SLC41A3: variants seen among roughly 807,000 people sequenced by gnomAD.
The protein encoded by SLC41A3 is SLC41A1-like 2.
Under a neutral mutation model 45.4 loss-of-function variants are expected in SLC41A3, and 44 were observed. The ratio of observed to expected loss-of-function variants is 0.97; its 90% CI spans 0.76 to 1.25. SLC41A3 has a LOEUF of 1.25. Among genes scored for constraint, SLC41A3 ranks in the 50% most tolerant of loss-of-function variants. SLC41A3 has a pLI of 0.00. For synonymous variants in SLC41A3, 256 were observed against 252.4 expected, an observed-to-expected ratio of 1.01 and a Z score of -0.13; for missense variants, 550 against 600.6, an observed-to-expected ratio of 0.92 and a Z score of 0.88.
intron 5 of SLC41A3, chr3:126,023,697 CTACCA>C (rs1941108052): frequency 6.6e-6 from 1 of 151,238 alleles, no homozygotes. Flanking sequence ...GTTTCCGTGG[CTACCA>C]TGCCTCCGAA....
At chr3:126,037,019 C>CTCATGTGG (rs1414936592) in intron 3 of SLC41A3, among the ~76,000 whole-genome samples, 1 of 152,172 alleles carries the variant, frequency 6.6e-6, no homozygotes, top group Non-Finnish European at 1.5e-5. Flanking sequence ...TCCTCCAAAT[C>CTCATGTGG]TCATGTGGAA....
At position 126,006,550 on chromosome 3, in the gene SLC41A3, C is replaced by A; in HGVS notation, c.*466G>T. The A allele has an allele frequency of 6.2e-7, 1 of 1,603,316 alleles. No individual in the cohort carries two copies. Among genetic ancestry groups the A allele is most frequent in the Non-Finnish European group, 8.5e-7 (1 of 1,177,620 alleles). ...CTTCTTGGCACAGCAGCAGTGTGGC[C>A]CACGGAGCTTGAACCTGGTGAAGAC... On this transcript the variant is annotated 3_prime_UTR_variant, in exon 11 of 11. Coordinates refer to ENST00000360370, the MANE Select transcript of SLC41A3 (RefSeq NM_017836.4).
chr3:126,094,577 G>A (rs1029204208), intron 1 of SLC41A3, among the ~76,000 whole-genome samples: 3 of 152,204 alleles, frequency 2.0e-5, no homozygotes, highest in Admixed American at 6.5e-5. Context: ...TTCTCCTGCT[G>A]TAATTCCAAA....
intron 6 of SLC41A3, among the ~76,000 whole-genome samples, chr3:126,017,300 A>G: frequency 6.6e-6 from 1 of 152,222 alleles, no homozygotes; most frequent in East Asian, 1.9e-4. Context: ...AGACGTGCAA[A>G]AAAGGGTGGC....
At chr3:126,028,124 G>T (rs71327748) in intron 4 of SLC41A3, among the ~76,000 whole-genome samples, 43,513 of 152,120 alleles carry the variant, frequency 0.29, 6,370 homozygotes, top group African/African-American at 0.33. Context: ...AGAAATTCAA[G>T]CAGGCTGCAG....
At chr3:126,080,157 C>T (rs1481468241) in intron 1 of SLC41A3, among the ~76,000 whole-genome samples, 5 of 152,124 alleles carry the variant, frequency 3.3e-5, no homozygotes, top group African/African-American at 1.2e-4. Context: ...TTGGTCTGGG[C>T]AGACTTTTTG....
chr3:126,091,967 C>T (rs770256813), intron 1 of SLC41A3, among the ~76,000 whole-genome samples: 2 of 152,168 alleles, frequency 1.3e-5, no homozygotes, highest in Non-Finnish European at 2.9e-5. Context: ...TCTCCTCCTT[C>T]CCCATCATGG....
chr3:126,059,243 G>GA (rs1168291747), intron 2 of SLC41A3, among the ~76,000 whole-genome samples: 1 of 1,696 alleles, frequency 5.9e-4, no homozygotes, highest in South Asian at 0.12. Flanking sequence ...GAGAAAGAAA[G>GA]AAAGAAAGAA....
intron 2 of SLC41A3, among the ~76,000 whole-genome samples, chr3:126,064,236 C>T (rs1415567461): frequency 1.3e-5 from 2 of 152,140 alleles, no homozygotes; most frequent in Non-Finnish European, 2.9e-5. Context: ...TGACTCTGCT[C>T]CTGTGGATGA....
rs1166591794 is a variant in SLC41A3, at chr3:126,022,940, G to A, written c.599-8C>T. The stretch of plus-strand genomic sequence containing the variant: ...TACAGACCATCAGCACCCCTGCAGA[G>A]AGAGAGAGGAGAAACAGCAGACTCA... On this transcript the variant is annotated splice_region_variant and splice_polypyrimidine_tract_variant and intron_variant, in intron 5 of 10. Coordinates refer to ENST00000360370, the MANE Select transcript of SLC41A3 (RefSeq NM_017836.4). 3 of 1,613,622 alleles carry A rather than the reference G, an allele frequency of 1.9e-6. No homozygotes were observed. The African/African-American group carries it at 4.0e-5, about 22-fold the overall frequency.
intron 2 of SLC41A3, chr3:126,056,467 T>G: frequency 9.3e-6 from 15 of 1,614,180 alleles, no homozygotes; most frequent in Non-Finnish European, 1.2e-5. Flanking sequence ...CAAGACCCCA[T>G]GTGGGGACCG....
chr3:126,059,263 G>GAAAGAAAGAAAGAAAGAAAGAAAGA (rs5852464), intron 2 of SLC41A3, among the ~76,000 whole-genome samples: 3 of 11,742 alleles, frequency 2.6e-4, no homozygotes, highest in Admixed American at 1.1e-3. Flanking sequence ...AAGAAAGAAA[G>GAAAGAAAGAAAGAAAGAAAGAAAGA]AAGAAAGAAA....
At chr3:126,023,255 A>T in intron 5 of SLC41A3, 1 of 276,422 alleles carries the variant, frequency 3.6e-6, no homozygotes, top group Non-Finnish European at 6.9e-6. Context: ...GGCAGCCCAC[A>T]GCCCCATGCT....
chr3:126,042,943 C>T (rs1942691147), intron 3 of SLC41A3, among the ~76,000 whole-genome samples: 1 of 146,084 alleles, frequency 6.8e-6, no homozygotes, highest in Non-Finnish European at 1.5e-5. Context: ...TTTGGAATTC[C>T]AGAAAGGAAA....
intron 3 of SLC41A3, among the ~76,000 whole-genome samples, chr3:126,039,376 AT>A (rs1341100631): frequency 2.0e-5 from 3 of 152,218 alleles, no homozygotes; most frequent in Non-Finnish European, 2.9e-5. Context: ...TTGTAGAAGA[AT>A]ACAAATCAGC....
chr3:126,035,065 G>A (rs112209462), intron 3 of SLC41A3, among the ~76,000 whole-genome samples: 3 of 152,358 alleles, frequency 2.0e-5, no homozygotes, highest in African/African-American at 7.2e-5. Context: ...GGAGGCTGAG[G>A]AGCTCAGACA....
intron 1 of SLC41A3, among the ~76,000 whole-genome samples, chr3:126,080,902 G>A (rs886386427): frequency 1.3e-5 from 2 of 151,784 alleles, no homozygotes; most frequent in Admixed American, 1.3e-4. Flanking sequence ...GGTGAGCTGA[G>A]ATTGTGCCAC....
intron 1 of SLC41A3, among the ~76,000 whole-genome samples, chr3:126,100,336 A>G (rs905503317): frequency 1.3e-5 from 2 of 152,032 alleles, no homozygotes; most frequent in Admixed American, 1.3e-4. Flanking sequence ...CAGCTTCACC[A>G]CATCAGAATG....
At chr3:126,099,932 T>A (rs4020394) in intron 1 of SLC41A3, among the ~76,000 whole-genome samples, 104,442 of 151,468 alleles carry the variant, frequency 0.69, 36,810 homozygotes, top group African/African-American at 0.84. Flanking sequence ...GCAGAGGGAA[T>A]AGCGGCCTTT....
Sources: gnomAD v4.1 joint callset for allele counts (sites outside exome capture counted in the v4.1 genomes callset) on GRCh38, gnomAD v4.1.1 for gene constraint, MANE v1.5 for transcripts, NCBI Gene and HGNC (gene_info 2026-07-23, HGNC 2026-07-21) for gene names.